CELF2: variants seen among roughly 807,000 people sequenced by gnomAD.
The protein encoded by CELF2 is CUGBP Elav-like family member 2.
In CELF2, 8 loss-of-function variants were observed where a neutral mutation model predicts 62.6. The observed-to-expected ratio is 0.13, with a 90% CI of 0.07 to 0.23. The LOEUF (loss-of-function observed/expected upper bound fraction) is 0.23, where lower values mean the gene tolerates loss of function less well. CELF2 is among the 10% of genes least tolerant of loss of function. The pLI is 1.00. For synonymous variants in CELF2, 258 were observed against 250.0 expected, an observed-to-expected ratio of 1.03 and a Z score of -0.30; for missense variants, 333 against 671.0, an observed-to-expected ratio of 0.50 and a Z score of 5.56.
chr10:10,729,558 G>T, the CELF2 span, among the ~76,000 whole-genome samples: 16 of 152,112 alleles, frequency 1.1e-4, 1 homozygote, highest in East Asian at 2.5e-3. Context: ...ATAAGACAAA[G>T]ATCGCACCAC....
chr10:10,798,128 A>G (rs1230167100), upstream of CELF2, among the ~76,000 whole-genome samples: 1 of 152,118 alleles, frequency 6.6e-6, no homozygotes, highest in Non-Finnish European at 1.5e-5. Flanking sequence ...CTGCCAGAAA[A>G]CACACAGTAA....
chr10:10,484,019 C>A, the CELF2 span, among the ~76,000 whole-genome samples: 1 of 87,226 alleles, frequency 1.1e-5, no homozygotes, highest in Admixed American at 1.1e-4. Flanking sequence ...CTCCCTCCCT[C>A]CCCCACTTTC....
intron 3 of CELF2, among the ~76,000 whole-genome samples, chr10:11,233,415 G>A (rs879935080): frequency 2.2e-4 from 33 of 152,088 alleles, no homozygotes; most frequent in Non-Finnish European, 3.5e-4. Context: ...TTCTCACGCC[G>A]CGTGATTTCT....
At chr10:11,278,561 T>C (rs1237474242) in intron 8 of CELF2, among the ~76,000 whole-genome samples, 2 of 152,200 alleles carry the variant, frequency 1.3e-5, no homozygotes, top group Admixed American at 6.5e-5. Context: ...AATTTGTTTA[T>C]AACAACTATC....
chr10:11,217,565 A>AGTT lies in CELF2; in HGVS notation c.354+58_354+59insGTT. ...TTATTGCTTGAAAATGGTCCTTTCAACTGAAGGTTCTAGTTATGGGCTCTT... is the reference window on the plus strand; with the variant it reads ...TTATTGCTTGAAAATGGTCCTTTCAAGTTCTGAAGGTTCTAGTTATGGGCTCTT... On this transcript the variant is annotated intron_variant, in intron 3 of 12. Coordinates refer to ENST00000633077, the MANE Select transcript of CELF2 (RefSeq NM_001326342.2). This position sits in a 1 kb window ranked among gnomAD's most constrained non-coding sequence, Gnocchi z 5.6. 1 of 1,331,294 alleles carries AGTT rather than the reference A, an allele frequency of 7.5e-7. No homozygotes were observed. The highest frequency in any genetic ancestry group is 1.1e-6 in the Non-Finnish European group (1 of 933,370). The allele number at this position is 1,331,294 out of a possible 1,614,324, so 82.5% of individuals were successfully genotyped here.
the CELF2 span, among the ~76,000 whole-genome samples, chr10:10,680,505 A>G: frequency 2.6e-5 from 4 of 152,310 alleles, 1 homozygote; most frequent in East Asian, 7.7e-4. Context: ...CAGAAACATG[A>G]TGTATGACAA....
chr10:10,648,471 T>C, the CELF2 span, among the ~76,000 whole-genome samples: 37 of 152,208 alleles, frequency 2.4e-4, no homozygotes, highest in African/African-American at 8.7e-4. Context: ...CTCACTAGTT[T>C]CCTAAAAGTG....
At chr10:11,310,458 T>C (rs1207457119) in intron 9 of CELF2, among the ~76,000 whole-genome samples, 1 of 152,080 alleles carries the variant, frequency 6.6e-6, no homozygotes, top group Non-Finnish European at 1.5e-5. Flanking sequence ...TTGAGAAAAA[T>C]ATTTCTTCAT....
At chr10:11,194,030 G>C (rs562536690) in intron 2 of CELF2, among the ~76,000 whole-genome samples, 1 of 152,012 alleles carries the variant, frequency 6.6e-6, no homozygotes, top group Non-Finnish European at 1.5e-5. Context: ...TCATGTTTTA[G>C]AATTTTTCAC....
At chr10:11,111,389 G>T (rs1441539412) in intron 1 of CELF2, among the ~76,000 whole-genome samples, 1 of 152,152 alleles carries the variant, frequency 6.6e-6, no homozygotes, top group African/African-American at 2.4e-5. Context: ...ATAAGTGTTT[G>T]TCAGTTGTAG....
intron 1 of CELF2, among the ~76,000 whole-genome samples, chr10:10,840,523 G>A (rs930837506): frequency 2.0e-5 from 3 of 152,116 alleles, no homozygotes; most frequent in Non-Finnish European, 4.4e-5. Context: ...ATATCATTCA[G>A]ATATTTTGCC....
the CELF2 span, among the ~76,000 whole-genome samples, chr10:10,756,173 AATG>A: frequency 6.6e-6 from 1 of 152,334 alleles, no homozygotes; most frequent in Admixed American, 6.5e-5. Flanking sequence ...CGCCAAAAAT[AATG>A]ATACTATTTC....
chr10:10,904,443 G>A (rs1017483640), intron 1 of CELF2, among the ~76,000 whole-genome samples: 6 of 151,932 alleles, frequency 3.9e-5, no homozygotes, highest in African/African-American at 1.5e-4. Flanking sequence ...TGTTGCCCGG[G>A]CTGGTCATGA....
At chr10:10,975,003 G>A (rs1393617625) in intron 2 of CELF2, among the ~76,000 whole-genome samples, 3 of 152,226 alleles carry the variant, frequency 2.0e-5, no homozygotes, top group Non-Finnish European at 4.4e-5. Context: ...GGCTGAAGAA[G>A]AATGACATCA....
chr10:10,750,838 T>A, the CELF2 span, among the ~76,000 whole-genome samples: 1 of 152,232 alleles, frequency 6.6e-6, no homozygotes, highest in Admixed American at 6.5e-5. Context: ...GAAACTCAAG[T>A]GGTGAGACCC....
the CELF2 span, among the ~76,000 whole-genome samples, chr10:10,518,547 A>G: frequency 3.3e-5 from 5 of 152,298 alleles, 1 homozygote; most frequent in South Asian, 1.0e-3. Context: ...AAGAGTAGGA[A>G]TTCTCTCTTA....
Position 11,302,327 on chromosome 10 carries a change from G to C in CELF2, c.977-11812G>C, listed in dbSNP as rs78412730. Among the ~76,000 whole-genome samples the C allele has an allele frequency of 0.026, 3,936 of 152,306 alleles. 79 individuals carry two copies. Among genetic ancestry groups the C allele is most frequent in the Middle Eastern group, 0.071 (21 of 294 alleles). On this transcript the variant is annotated intron_variant, in intron 9 of 12. Transcript: ENST00000633077. The surrounding 1 kb of genome is among the most constrained non-coding windows in gnomAD (Gnocchi z 5.0). ...TGACACACGTGGTTCTCTAATGTTT[G>C]CATGCAAAAGCAGCGCCGAGGGCTG...
In CELF2 at chr10:11,321,057, C is replaced by A; in HGVS notation, c.1097-132C>A. 7.7e-7 allele frequency: 1 copy of A among 1,300,264 alleles called. No homozygotes were observed. The highest frequency in any genetic ancestry group is 1.3e-5 in the South Asian group (1 of 78,062). The allele number at this position is 1,300,264 out of a possible 1,614,324, so 80.5% of individuals were successfully genotyped here. A position where few individuals can be genotyped will look rare whatever the true frequency, so the allele number is the denominator to read the frequency against. On this transcript the variant is annotated intron_variant, in intron 10 of 12. Coordinates refer to ENST00000633077, the MANE Select transcript of CELF2 (RefSeq NM_001326342.2). The surrounding 1 kb of genome is among the most constrained non-coding windows in gnomAD (Gnocchi z 6.2). Reference sequence around the variant, plus strand: ...TCTTCATGGTTTCATTTTTAGTTTCCTGTCAGTGTAATTGTGTGCTAGCTG... The same window carrying A: ...TCTTCATGGTTTCATTTTTAGTTTCATGTCAGTGTAATTGTGTGCTAGCTG...
the CELF2 span, among the ~76,000 whole-genome samples, chr10:10,507,441 C>G: frequency 6.6e-6 from 1 of 152,010 alleles, no homozygotes; most frequent in African/African-American, 2.4e-5. Context: ...AAAGATTGTT[C>G]TCAGAGTCTC....
Sources: gnomAD v4.1 joint callset for allele counts (sites outside exome capture counted in the v4.1 genomes callset) on GRCh38, gnomAD v4.1.1 for gene constraint, Gnocchi (gnomAD v3.1) non-coding constraint, MANE v1.5 for transcripts, NCBI Gene and HGNC (gene_info 2026-07-23, HGNC 2026-07-21) for gene names.